PCSK5: variants seen among roughly 807,000 people sequenced by gnomAD.
PCSK5 encodes prohormone convertase 5.
In PCSK5, 129 loss-of-function variants were observed where a neutral mutation model predicts 233.2. The observed-to-expected ratio is 0.55, with a 90% CI of 0.48 to 0.64. The LOEUF is 0.64. Among genes scored for constraint, PCSK5 ranks in the 30% least tolerant of loss-of-function variants. The probability of loss-of-function intolerance (pLI) is 0.00; values close to 1 mark genes in which losing one functional copy is unlikely to be tolerated. For missense variants in PCSK5, 2,076 were observed against 2,430.1 expected, an observed-to-expected ratio of 0.85 and a Z score of 3.06; for synonymous variants, 825 against 879.2, an observed-to-expected ratio of 0.94 and a Z score of 1.09.
In PCSK5 at chr9:75,908,028, G is replaced by A. The variant is rs1398621277; in HGVS notation, c.192+16655G>A. On this transcript the variant is annotated intron_variant, in intron 1 of 37. Transcript: ENST00000674117. ...AGAGAAGGAGGGATTGCAGACTCTA[G>A]AACAAACAGTCATAAATTAAGCCCT... Among the ~76,000 whole-genome samples, 6 of 152,334 alleles carry A rather than the reference G, an allele frequency of 3.9e-5. No homozygotes were observed. The East Asian group carries it at 1.2e-3, about 29-fold the overall frequency.
At position 76,356,451 on chromosome 9, in the gene PCSK5, A is replaced by G. The variant is rs142856956; in HGVS notation, c.5255-2062A>G. Among the ~76,000 whole-genome samples the G allele has an allele frequency of 1.1e-3, 161 of 152,352 alleles. 1 individual carries two copies. Among genetic ancestry groups the G allele is most frequent in the African/African-American group, 3.5e-3 (147 of 41,580 alleles). ...AATAGTAAGCAAGGCATGACTGCAT[A>G]TGGCACCCTAGTAATTCAAACAACC... On this transcript the variant is annotated intron_variant, in intron 37 of 37. Coordinates refer to ENST00000674117, the MANE Select transcript of PCSK5 (RefSeq NM_001372043.1).
chr9:76,357,506 G>A (rs995047633), intron 37 of PCSK5, among the ~76,000 whole-genome samples: 7 of 151,344 alleles, frequency 4.6e-5, no homozygotes, highest in East Asian at 1.9e-4. Context: ...GTGACAGAGC[G>A]AGACTCCATC....
At chr9:76,346,006 C>A (rs1184064957) in intron 35 of PCSK5, among the ~76,000 whole-genome samples, 1 of 152,210 alleles carries the variant, frequency 6.6e-6, no homozygotes, top group Non-Finnish European at 1.5e-5. Flanking sequence ...AGGCGTGGAC[C>A]ACCACGCCTG....
At chr9:76,121,853 T>G (rs1832650653) in intron 9 of PCSK5, among the ~76,000 whole-genome samples, 1 of 93,646 alleles carries the variant, frequency 1.1e-5, no homozygotes, top group African/African-American at 3.4e-5. Flanking sequence ...AGACGGAGTC[T>G]CGCTCTGTCG....
chr9:76,133,897 T>G (rs1459238301), intron 9 of PCSK5, among the ~76,000 whole-genome samples: 1 of 152,070 alleles, frequency 6.6e-6, no homozygotes, highest in Non-Finnish European at 1.5e-5. Context: ...CAGTTTAAGG[T>G]TACATTTTCT....
chr9:76,340,382 A>G (rs1392509329), intron 35 of PCSK5, among the ~76,000 whole-genome samples: 3 of 152,150 alleles, frequency 2.0e-5, no homozygotes, highest in Non-Finnish European at 4.4e-5. Context: ...GCGGTGGCTC[A>G]CACCTGTAAT....
chr9:76,212,179 C>G (rs940187885), intron 20 of PCSK5, among the ~76,000 whole-genome samples: 4 of 152,082 alleles, frequency 2.6e-5, no homozygotes, highest in African/African-American at 7.2e-5. Context: ...CAGGATGGCC[C>G]CTCTGAAGGA....
chr9:76,143,842 T>A (rs1823327095), intron 10 of PCSK5, among the ~76,000 whole-genome samples: 1 of 152,108 alleles, frequency 6.6e-6, no homozygotes, highest in Admixed American at 6.6e-5. Context: ...TCAGAAATTG[T>A]GCTTTGAGAA....
Position 76,358,938 on chromosome 9 carries a change from C to T in PCSK5, c.*16C>T, listed in dbSNP as rs1830374632. 1 of 1,604,690 alleles carries T rather than the reference C, an allele frequency of 6.2e-7. No individual in the cohort carries two copies. Among genetic ancestry groups the T allele is most frequent in the Admixed American group, 1.7e-5 (1 of 59,846 alleles). On this transcript the variant is annotated 3_prime_UTR_variant, in exon 38 of 38. Transcript: ENST00000674117. The stretch of plus-strand genomic sequence containing the variant: ...CTACCAGTAAACAGGCACTCCCCCA[C>T]CAACACCACCATTCCACTCTCAGGC...
At chr9:76,302,070 G>C in intron 27 of PCSK5, 67 bp from the exon 28 acceptor site, 2 of 698,184 alleles carry the variant, frequency 2.9e-6, no homozygotes, top group Non-Finnish European at 4.3e-6. Context: ...GTTTATAGGT[G>C]AAGTTTATCT....
At chr9:76,174,540 G>A (rs942901431) in intron 13 of PCSK5, among the ~76,000 whole-genome samples, 4 of 151,944 alleles carry the variant, frequency 2.6e-5, no homozygotes, top group Non-Finnish European at 5.9e-5. Context: ...TCAATCTCCT[G>A]ACCTCGTGAT....
At chr9:76,246,108 A>G (rs1217745526) in intron 24 of PCSK5, among the ~76,000 whole-genome samples, 4 of 152,102 alleles carry the variant, frequency 2.6e-5, no homozygotes, top group Non-Finnish European at 4.4e-5. Flanking sequence ...TGGGAGGCCG[A>G]GGCGGGCAGA....
intron 9 of PCSK5, among the ~76,000 whole-genome samples, chr9:76,118,812 G>A (rs1217286633): frequency 6.6e-6 from 1 of 151,900 alleles, no homozygotes; most frequent in Non-Finnish European, 1.5e-5. Flanking sequence ...CTTTAAGCAT[G>A]TTTTAAGCTT....
At chr9:76,200,893 CAG>C (rs1399661676) in intron 20 of PCSK5, among the ~76,000 whole-genome samples, 1 of 152,198 alleles carries the variant, frequency 6.6e-6, no homozygotes, top group African/African-American at 2.4e-5. Flanking sequence ...ACCCTCTTTT[CAG>C]AGAGGCTAAT....
At chr9:76,194,238 C>T (rs1824575462) in intron 20 of PCSK5, 1 of 152,032 alleles carries the variant, frequency 6.6e-6, no homozygotes, top group Non-Finnish European at 1.5e-5. Flanking sequence ...GCCATTACCC[C>T]CATTTTTTTT....
intron 30 of PCSK5, among the ~76,000 whole-genome samples, chr9:76,314,394 A>T (rs1828959019): frequency 6.6e-6 from 1 of 152,178 alleles, no homozygotes; most frequent in African/African-American, 2.4e-5. Flanking sequence ...CACACAAAAA[A>T]AGAAAACTAA....
chr9:76,233,238 C>A (rs1037647696), intron 21 of PCSK5, among the ~76,000 whole-genome samples: 1 of 152,156 alleles, frequency 6.6e-6, no homozygotes, highest in East Asian at 1.9e-4. Flanking sequence ...GTTTTCCCAG[C>A]CAGTTTCTGG....
At chr9:76,300,165 C>T (rs1442732540) in intron 27 of PCSK5, among the ~76,000 whole-genome samples, 2 of 152,110 alleles carry the variant, frequency 1.3e-5, no homozygotes, top group Admixed American at 1.3e-4. Context: ...CTGAAAGTCA[C>T]TCACATGTGA....
chr9:76,227,749 T>C, intron 21 of PCSK5, 144 bp downstream of exon 21: 1 of 637,046 alleles, frequency 1.6e-6, no homozygotes, highest in Non-Finnish European at 2.8e-6. Flanking sequence ...ATATTCTCCT[T>C]GGTCTGGGCA....
Sources: allele counts gnomAD v4.1 joint callset (sites outside exome capture counted in the v4.1 genomes callset), GRCh38; gene constraint gnomAD v4.1.1; transcripts MANE v1.5; gene names NCBI Gene and HGNC (gene_info 2026-07-23, HGNC 2026-07-21).